The following ALOX5 variants were observed in gnomAD, a reference collection of about 807,000 sequenced individuals.
ALOX5 encodes arachidonate 5-lipoxygenase, also known as polyunsaturated fatty acid 5-lipoxygenase.
In ALOX5, 64 loss-of-function variants were observed where a neutral mutation model predicts 87.9. That is an observed-to-expected ratio of 0.73 (90% CI 0.60 to 0.90). The LOEUF (loss-of-function observed/expected upper bound fraction) is 0.90, where lower values mean the gene tolerates loss of function less well. Among genes scored for constraint, ALOX5 ranks in the 40% least tolerant of loss-of-function variants. ALOX5 has a pLI of 0.00. For synonymous variants in ALOX5, 388 were observed against 355.1 expected, an observed-to-expected ratio of 1.09 and a Z score of -1.04; for missense variants, 822 against 907.5, an observed-to-expected ratio of 0.91 and a Z score of 1.21.
At chr10:45,399,145 A>G (rs1471839742) in intron 3 of ALOX5, among the ~76,000 whole-genome samples, 1 of 152,250 alleles carries the variant, frequency 6.6e-6, no homozygotes, top group Non-Finnish European at 1.5e-5. Flanking sequence ...CACTTGTTAC[A>G]ACATGGATGA....
intron 7 of ALOX5, 147 bp downstream of exon 7, chr10:45,428,911 A>T (rs541400371): frequency 9.3e-7 from 1 of 1,074,060 alleles, no homozygotes; most frequent in Admixed American, 2.7e-5. Flanking sequence ...GGCTGTCCAT[A>T]GGGGCGGAGA....
intron 7 of ALOX5, among the ~76,000 whole-genome samples, chr10:45,436,733 G>A (rs569986910): frequency 3.8e-4 from 57 of 151,842 alleles, no homozygotes; most frequent in Admixed American, 1.4e-3. Context: ...TTGGCTATTC[G>A]GCTATTTTTT....
intron 2 of ALOX5, among the ~76,000 whole-genome samples, chr10:45,392,072 C>G (rs1215942977): frequency 6.6e-6 from 1 of 151,504 alleles, no homozygotes; most frequent in Admixed American, 6.6e-5. Context: ...CCGCCCCGTC[C>G]GAGAGGGAGG....
intron 2 of ALOX5, among the ~76,000 whole-genome samples, chr10:45,391,550 A>G (rs376771474): frequency 0.023 from 3,323 of 146,840 alleles, 113 homozygotes; most frequent in African/African-American, 0.078. Flanking sequence ...CTGCCTGGCC[A>G]CCCATCGTCT....
intron 2 of ALOX5, among the ~76,000 whole-genome samples, chr10:45,387,327 T>C (rs1336205959): frequency 6.6e-6 from 1 of 152,120 alleles, no homozygotes; most frequent in Non-Finnish European, 1.5e-5. Flanking sequence ...CATTTCTCCA[T>C]GAAACAATGA....
At chr10:45,409,947 C>T (rs1210422336) in intron 3 of ALOX5, among the ~76,000 whole-genome samples, 3 of 152,274 alleles carry the variant, frequency 2.0e-5, no homozygotes, top group Non-Finnish European at 4.4e-5. Context: ...CCCATTGGTG[C>T]TGCCACCCTC....
intron 7 of ALOX5, among the ~76,000 whole-genome samples, chr10:45,432,576 CTA>C (rs1349872881): frequency 6.6e-6 from 1 of 152,086 alleles, no homozygotes; most frequent in Non-Finnish European, 1.5e-5. Context: ...TTTAATGATG[CTA>C]TCACACTGCC....
rs542831501 is a variant in ALOX5 at position 45,401,964 on chromosome 10, G to A, written c.431+6028G>A. 6.0e-3 allele frequency among the ~76,000 whole-genome samples: 912 copies of A among 151,820 alleles called. 4 individuals are homozygous for A. Among genetic ancestry groups the A allele is most frequent in the South Asian group, 0.019 (89 of 4,796 alleles). On this transcript the variant is annotated intron_variant, in intron 3 of 13. Coordinates refer to ENST00000374391, the MANE Select transcript of ALOX5 (RefSeq NM_000698.5). ...TAGCCGGGCGTGGTGGCGGGCGCCTGTAGTCCCAGCTGCTCGGGAGGCTGA... is the reference window on the plus strand; with the variant it reads ...TAGCCGGGCGTGGTGGCGGGCGCCTATAGTCCCAGCTGCTCGGGAGGCTGA...
chr10:45,445,518 G>C lies in ALOX5; in HGVS notation c.1856G>C (p.Gly619Ala), dbSNP rs559240229. The change falls in exon 14 of 14, where the codon GGC (glycine) becomes GCC (alanine). Residue 619 changes from glycine (G) to alanine (A), a missense_variant. Transcript: ENST00000374391. ...SQFQENELFL[G>A]MYPEEHFIEK... Reference sequence around the variant, plus strand: ...TGTCTGGGCCCTCAGCTGTTCCTGGGCATGTACCCAGAAGAGCATTTTATC... The same window carrying C: ...TGTCTGGGCCCTCAGCTGTTCCTGGCCATGTACCCAGAAGAGCATTTTATC... The C allele has an allele frequency of 6.2e-7, 1 of 1,613,608 alleles. No homozygotes were observed. Among genetic ancestry groups the C allele is most frequent in the South Asian group, 1.1e-5 (1 of 91,074 alleles).
chr10:45,438,934 T>C (rs1842138789), intron 7 of ALOX5, among the ~76,000 whole-genome samples: 1 of 152,180 alleles, frequency 6.6e-6, no homozygotes, highest in Non-Finnish European at 1.5e-5. Context: ...GGGGTCTCTC[T>C]GACCAGGGTG....
At chr10:45,386,112 T>C (rs1839999836) in intron 2 of ALOX5, among the ~76,000 whole-genome samples, 1 of 152,018 alleles carries the variant, frequency 6.6e-6, no homozygotes, top group Non-Finnish European at 1.5e-5. Context: ...CCATCCTGGC[T>C]AACACAGTAA....
intron 1 of ALOX5, among the ~76,000 whole-genome samples, chr10:45,374,865 G>A (rs899398902): frequency 6.6e-6 from 1 of 152,152 alleles, no homozygotes. Flanking sequence ...GATGAGTCAT[G>A]CTCACAGAAC....
intron 3 of ALOX5, among the ~76,000 whole-genome samples, chr10:45,406,828 C>T (rs1390446650): frequency 6.6e-6 from 1 of 152,150 alleles, no homozygotes; most frequent in Non-Finnish European, 1.5e-5. Flanking sequence ...TCTTACTTTC[C>T]ATTATCTACA....
chr10:45,418,555 C>T (rs1841383412), intron 4 of ALOX5, among the ~76,000 whole-genome samples: 1 of 152,174 alleles, frequency 6.6e-6, no homozygotes. Flanking sequence ...GCAGGGTGGG[C>T]AGGGGACCCT....
At chr10:45,428,136 GC>G (rs1408383755) in intron 6 of ALOX5, among the ~76,000 whole-genome samples, 1 of 61,716 alleles carries the variant, frequency 1.6e-5, no homozygotes, top group Non-Finnish European at 3.3e-5. Flanking sequence ...TTCCCCCGCA[GC>G]CCCCCTACCC....
intron 8 of ALOX5, among the ~76,000 whole-genome samples, chr10:45,440,878 T>C (rs577859005): frequency 6.6e-6 from 1 of 151,926 alleles, no homozygotes; most frequent in African/African-American, 2.4e-5. Flanking sequence ...GCCAGTAGAG[T>C]TGGAAAAGGC....
chr10:45,385,780 G>A lies in ALOX5; in HGVS notation c.349+3099G>A, dbSNP rs150012354. On this transcript the variant is annotated intron_variant, in intron 2 of 13. Coordinates refer to ENST00000374391, the MANE Select transcript of ALOX5 (RefSeq NM_000698.5). The stretch of plus-strand genomic sequence containing the variant: ...TACATCCCCAGGGGAGGATGCAGAG[G>A]TATCCCGTTAATATTCCTTTTTGGA... Among the ~76,000 whole-genome samples, 221 of 152,286 alleles carry A rather than the reference G, an allele frequency of 1.5e-3. 1 individual carries two copies. Among genetic ancestry groups the A allele is most frequent in the African/African-American group, 5.1e-3 (211 of 41,570 alleles).
At chr10:45,428,521 G>A in intron 6 of ALOX5, 97 bp from the exon 7 acceptor site, 1 of 1,477,088 alleles carries the variant, frequency 6.8e-7, no homozygotes. Flanking sequence ...TCGCAGGAAA[G>A]GGAGAGGGGT....
intron 6 of ALOX5, among the ~76,000 whole-genome samples, chr10:45,427,542 G>A (rs914276663): frequency 6.6e-6 from 1 of 152,350 alleles, no homozygotes; most frequent in Admixed American, 6.5e-5. Flanking sequence ...GCGTGCCGCC[G>A]GGCAGCCCGG....
Sources: gnomAD v4.1 joint callset for allele counts (sites outside exome capture counted in the v4.1 genomes callset) on GRCh38, gnomAD v4.1.1 for gene constraint, MANE v1.5 for transcripts, NCBI Gene and HGNC (gene_info 2026-07-23, HGNC 2026-07-21) for gene names.